The following FGFR4 variants were observed in gnomAD, a reference collection of about 807,000 sequenced individuals.
FGFR4 encodes the protein fibroblast growth factor receptor 4.
FGFR4 carries 63 observed loss-of-function variants against 89.9 expected under a neutral mutation model. That is an observed-to-expected ratio of 0.70 (90% CI 0.57 to 0.86). The LOEUF is 0.86. FGFR4 is among the 40% of genes least tolerant of loss of function. The pLI is 0.00. For synonymous variants in FGFR4, 486 were observed against 479.4 expected (o/e 1.01, Z -0.18); for missense variants, 928 against 1,106.7 (o/e 0.84, Z 2.29).
Position 177,093,453 on chromosome 5 carries a change from A to G in FGFR4, c.1299A>G (p.Val433=). Residue 433 remains valine (V), a synonymous_variant, in exon 10 of 18, where the codon GTA becomes GTG. Coordinates refer to ENST00000292408, the MANE Select transcript of FGFR4 (RefSeq NM_213647.3). This position sits in a 1 kb window ranked among gnomAD's most constrained non-coding sequence, Gnocchi z 5.8. The stretch of plus-strand genomic sequence containing the variant: ...CCGGCAAGTCAAGCTCATCCCTGGT[A>G]CGAGGCGTGCGTCTCTCCTCCAGCG... ...GSSGKSSSSL[V]RGVRLSSSGP... The G allele has an allele frequency of 6.2e-7, 1 of 1,614,070 alleles. No homozygotes were observed. The highest frequency in any genetic ancestry group is 8.5e-7 in the Non-Finnish European group (1 of 1,180,004).
chr5:177,092,966 A>G, intron 8 of FGFR4, 172 bp from the exon 9 acceptor site: 1 of 1,278,636 alleles, frequency 7.8e-7, no homozygotes, highest in Non-Finnish European at 1.1e-6. Context: ...GTGGCCGTCC[A>G]TGTGACCGTC....
chr5:177,091,625 G>A (rs1271687130), intron 5 of FGFR4, 60 bp from the exon 6 acceptor site: 76 of 1,600,038 alleles, frequency 4.7e-5, no homozygotes, highest in African/African-American at 5.4e-5. Context: ...TAGCCTCCTG[G>A]TCCTCTGGCC....
chr5:177,093,705 T>G lies in FGFR4; in HGVS notation c.1449T>G (p.Arg483=). ...LGEGCFGQVV[R]AEAFGMDPAR... Reference sequence around the variant, plus strand: ...AGGGCTGCTTTGGCCAGGTAGTACGTGCAGAGGCCTTTGGCATGGACCCTG... The same window carrying G: ...AGGGCTGCTTTGGCCAGGTAGTACGGGCAGAGGCCTTTGGCATGGACCCTG... Residue 483 remains arginine, a synonymous_variant, in exon 11 of 18, where the codon CGT becomes CGG. Coordinates refer to ENST00000292408, the MANE Select transcript of FGFR4 (RefSeq NM_213647.3). This position sits in a 1 kb window ranked among gnomAD's most constrained non-coding sequence, Gnocchi z 5.8. 1.2e-6 allele frequency: 2 copies of G among 1,614,192 alleles called. No homozygotes were observed. The highest frequency in any genetic ancestry group is 1.7e-6 in the Non-Finnish European group (2 of 1,180,032).
intron 11 of FGFR4, among the ~76,000 whole-genome samples, chr5:177,094,179 G>A (rs545341000): frequency 1.3e-5 from 2 of 152,256 alleles, no homozygotes; most frequent in African/African-American, 2.4e-5. Flanking sequence ...GGTGAGCCCT[G>A]GAGCTGGGAG....
chr5:177,097,406 C>CGGAG lies in FGFR4; in HGVS notation c.2259+9_2259+10insGGAG. On this transcript the variant is annotated intron_variant, in intron 17 of 17. Coordinates refer to ENST00000292408, the MANE Select transcript of FGFR4 (RefSeq NM_213647.3). ...TGGCCGTCTCTGAGGAGGTACAGCC[C>CGGAG]CTCCCACCCACCACCTCCCTCTGCC... The CGGAG allele has an allele frequency of 6.2e-7, 1 of 1,609,704 alleles. No homozygotes were observed. The highest frequency in any genetic ancestry group is 8.5e-7 in the Non-Finnish European group (1 of 1,177,836).
Position 177,097,270 on chromosome 5 carries a change from C to T in FGFR4, c.2154-22C>T, listed in dbSNP as rs1784637995. On this transcript the variant is annotated intron_variant, in intron 16 of 17. Transcript: ENST00000292408. ...CCTGAAGGCCTGAGGCTCCCTGTGA[C>T]CCTCCGCCCCACCTCTCGCAGGTAC... The T allele has an allele frequency of 3.2e-6, 5 of 1,564,826 alleles. No homozygotes were observed. The South Asian group carries it at 4.7e-5, about 15-fold the overall frequency.
rs1014341649 is a variant in FGFR4, at chr5:177,095,859, T to C, written c.1821+136T>C. 1 of 1,248,990 alleles carries C rather than the reference T, an allele frequency of 8.0e-7. No homozygotes were observed. Among genetic ancestry groups the C allele is most frequent in the African/African-American group, 1.5e-5 (1 of 66,042 alleles). The allele number at this position is 1,248,990 out of a possible 1,614,324, so 77.4% of individuals were successfully genotyped here. A position where few individuals can be genotyped will look rare whatever the true frequency, so the allele number is the denominator to read the frequency against. ...TCAGTGTCCCCAGGCATTCACGCTTTCCTGCATTCCCCACTCGTTCCTCAC... is the reference window on the plus strand; with the variant it reads ...TCAGTGTCCCCAGGCATTCACGCTTCCCTGCATTCCCCACTCGTTCCTCAC... On this transcript the variant is annotated intron_variant, in intron 13 of 17. Coordinates refer to ENST00000292408, the MANE Select transcript of FGFR4 (RefSeq NM_213647.3). The surrounding 1 kb of genome is among the most constrained non-coding windows in gnomAD (Gnocchi z 5.7).
chr5:177,088,536 G>A (rs1582004456), intron 1 of FGFR4: 2 of 182,854 alleles, frequency 1.1e-5, no homozygotes, highest in East Asian at 1.8e-4. Flanking sequence ...TTCCCACGCA[G>A]GGTAGATCCA....
Position 177,093,195 on chromosome 5 carries a change from T to C in FGFR4, c.1115T>C (p.Leu372Pro), listed in dbSNP as rs2149735128. Reference protein sequence around the residue: ...APEARYTDIILYASGSLALAV... With the variant: ...APEARYTDIIPYASGSLALAV... ...GAGGCCAGGTATACGGACATCATCC[T>C]GTACGCGTCGGGCTCCCTGGCCTTG... Residue 372 changes from leucine to proline, a missense_variant, in exon 9 of 18, where the codon CTG (leucine) becomes CCG (proline). Around this residue, in one of 5 missense-constraint regions of FGFR4, gnomAD observed 741 missense variants for 836.9 expected, o/e 0.89. Transcript: ENST00000292408. This position sits in a 1 kb window ranked among gnomAD's most constrained non-coding sequence, Gnocchi z 5.8. 2 of 1,613,312 alleles carry C rather than the reference T, an allele frequency of 1.2e-6. No individual in the cohort carries two copies. Among genetic ancestry groups the C allele is most frequent in the East Asian group, 4.5e-5 (2 of 44,858 alleles).
At position 177,097,213 on chromosome 5, in the gene FGFR4, C is replaced by A. The variant is rs141037580; in HGVS notation, c.2154-79C>A. On this transcript the variant is annotated intron_variant, in intron 16 of 17. Transcript: ENST00000292408. Reference sequence around the variant, plus strand: ...ATCAAACTCCCCACCAAACTCCTCCCCACCCAGAGAACCCCCGGTCCTCCC... The same window carrying A: ...ATCAAACTCCCCACCAAACTCCTCCACACCCAGAGAACCCCCGGTCCTCCC... 81 of 1,221,654 alleles carry A rather than the reference C, an allele frequency of 6.6e-5. No homozygotes were observed. In the Middle Eastern group the frequency reaches 1.4e-3, roughly 21 times the overall value. 75.7% of individuals were successfully genotyped at this position (1,221,654 alleles called of 1,614,324 possible). A position where few individuals can be genotyped will look rare whatever the true frequency, so the allele number is the denominator to read the frequency against.
In FGFR4 at chr5:177,095,057, G is replaced by A; in HGVS notation, c.1520-273G>A. Reference sequence around the variant, plus strand: ...CCCCTCTCTCCTGTGTCCTGGGCCTGCCCGCTGGAAGGCCTGCCTCTTAGA... The same window carrying A: ...CCCCTCTCTCCTGTGTCCTGGGCCTACCCGCTGGAAGGCCTGCCTCTTAGA... On this transcript the variant is annotated intron_variant, in intron 11 of 17. Coordinates refer to ENST00000292408, the MANE Select transcript of FGFR4 (RefSeq NM_213647.3). The surrounding 1 kb of genome is among the most constrained non-coding windows in gnomAD (Gnocchi z 5.7). The A allele has an allele frequency of 2.2e-6, 1 of 448,496 alleles. No homozygotes were observed. The highest frequency in any genetic ancestry group is 4.2e-6 in the Non-Finnish European group (1 of 240,626). The allele number at this position is 448,496 out of a possible 1,614,324, so 27.8% of individuals were successfully genotyped here. A position where few individuals can be genotyped will look rare whatever the true frequency, so the allele number is the denominator to read the frequency against.
intron 1 of FGFR4, 51 bp from the exon 2 acceptor site, chr5:177,089,499 C>T: frequency 5.4e-6 from 8 of 1,471,918 alleles, no homozygotes; most frequent in Non-Finnish European, 7.2e-6. Context: ...AAGGGAAAAG[C>T]CCCCACAAAG....
chr5:177,094,522 T>C (rs1784482149), intron 11 of FGFR4, among the ~76,000 whole-genome samples: 1 of 151,846 alleles, frequency 6.6e-6, no homozygotes, highest in African/African-American at 2.4e-5. Context: ...TCAGCCTCCC[T>C]TGGACCCTCC....
chr5:177,092,485 G>A lies in FGFR4; in HGVS notation c.892G>A (p.Gly298Ser), dbSNP rs776720644. ...CAACGGCAGCAGCTTCGGAGCCGAC[G>A]GTTTCCCCTATGTGCAAGTCCTAAA... ...VINGSSFGAD[G>S]FPYVQVLKTA... Residue 298 changes from glycine to serine, a missense_variant, in exon 7 of 18, where the codon GGT becomes AGT. Gly to Ser is a moderately conservative substitution (Grantham distance 56). This residue lies in a region of FGFR4 where 741 missense variants were observed against 836.9 expected (regional missense o/e 0.89). Coordinates refer to ENST00000292408, the MANE Select transcript of FGFR4 (RefSeq NM_213647.3). The A allele has an allele frequency of 5.0e-6, 8 of 1,591,780 alleles. No homozygotes were observed. The highest frequency in any genetic ancestry group is 1.3e-5 in the African/African-American group (1 of 74,314).
Position 177,098,090 on chromosome 5 carries a change from G to A in FGFR4, c.*414G>A, listed in dbSNP as rs1784676618. 4.1e-6 allele frequency: 1 copy of A among 246,570 alleles called. No homozygotes were observed. Among genetic ancestry groups the A allele is most frequent in the Non-Finnish European group, 7.8e-6 (1 of 128,152 alleles). 15.3% of individuals were successfully genotyped at this position (246,570 alleles called of 1,614,324 possible). On this transcript the variant is annotated 3_prime_UTR_variant, in exon 18 of 18. Coordinates refer to ENST00000292408, the MANE Select transcript of FGFR4 (RefSeq NM_213647.3). The surrounding 1 kb of genome is among the most constrained non-coding windows in gnomAD (Gnocchi z 4.5). ...AGCTGGAAGCCTGCCGAAAACAGGA[G>A]CAAATGGCGTTTTATAAATTATTTT...
Position 177,092,425 on chromosome 5 carries a change from C to T in FGFR4, c.832C>T (p.Gln278Ter), listed in dbSNP as rs2149733877. 6.2e-7 allele frequency: 1 copy of T among 1,607,246 alleles called. No individual in the cohort carries two copies. The highest frequency in any genetic ancestry group is 8.5e-7 in the Non-Finnish European group (1 of 1,176,576). ...GCTGTGCAAGGTGTACAGCGATGCC[C>T]AGCCCCACATCCAGTGGCTGAAGCA... ...ELLCKVYSDA[Q>*]PHIQWLKHIV... Residue 278 changes from glutamine (Q) to a stop codon, truncating the protein, a stop_gained, in exon 7 of 18, where the codon CAG (glutamine) becomes TAG (stop). Transcript: ENST00000292408. LOFTEE classifies it high-confidence loss of function.
rs767542365 is a variant in FGFR4 at position 177,091,085 on chromosome 5, A to G, written c.584A>G (p.Asn195Ser). 1.3e-6 allele frequency: 2 copies of G among 1,589,822 alleles called. No homozygotes were observed. The highest frequency in any genetic ancestry group is 1.3e-5 in the African/African-American group (1 of 74,556). The change falls in exon 5 of 18, where the codon AAC becomes AGC. Residue 195 changes from asparagine (N) to serine (S), a missense_variant. Physicochemically the swap from Asn to Ser is conservative, Grantham distance 46. Around this residue, in one of 5 missense-constraint regions of FGFR4, gnomAD observed 741 missense variants for 836.9 expected, o/e 0.89. Coordinates refer to ENST00000292408, the MANE Select transcript of FGFR4 (RefSeq NM_213647.3). ...GATGGACAGGCCTTTCATGGGGAGA[A>G]CCGCATTGGAGGCATTCGGGTGAGT... Reference protein sequence around the residue: ...LKDGQAFHGENRIGGIRLRHQ... With the variant: ...LKDGQAFHGESRIGGIRLRHQ...
rs1470376451 is a variant in FGFR4, at chr5:177,095,125, G to T, written c.1520-205G>T. ...TCCTTGCAACTGCTGTGACAGGCAG[G>T]GTGTGACCCACTGCTCTGTTTCCCA... On this transcript the variant is annotated intron_variant, in intron 11 of 17. Coordinates refer to ENST00000292408, the MANE Select transcript of FGFR4 (RefSeq NM_213647.3). The surrounding 1 kb of genome is among the most constrained non-coding windows in gnomAD (Gnocchi z 5.7). 4 of 582,360 alleles carry T rather than the reference G, an allele frequency of 6.9e-6. No homozygotes were observed. The highest frequency in any genetic ancestry group is 1.2e-5 in the Non-Finnish European group (4 of 322,192). The allele number at this position is 582,360 out of a possible 1,614,324, so 36.1% of individuals were successfully genotyped here.
intron 11 of FGFR4, among the ~76,000 whole-genome samples, chr5:177,094,066 A>G (rs920953580): frequency 1.5e-4 from 23 of 152,012 alleles, no homozygotes; most frequent in African/African-American, 5.1e-4. Flanking sequence ...GTGAGACCCT[A>G]TCTGAAAAAA....
Sources: gnomAD v4.1 joint callset for allele counts (sites outside exome capture counted in the v4.1 genomes callset) on GRCh38, gnomAD v4.1.1 for gene constraint, gnomAD v4.1.1 regional missense constraint, Gnocchi (gnomAD v3.1) non-coding constraint, MANE v1.5 for transcripts, NCBI Gene and HGNC (gene_info 2026-07-23, HGNC 2026-07-21) for gene names.